CDH13: variants seen among roughly 807,000 people sequenced by gnomAD.
The protein encoded by CDH13 is cadherin-13.
In CDH13, 24 loss-of-function variants were observed where a neutral mutation model predicts 63.8. That is an observed-to-expected ratio of 0.38 (90% CI 0.27 to 0.53). CDH13 has a LOEUF of 0.53. CDH13 is among the 20% of genes least tolerant of loss of function. The probability of loss-of-function intolerance (pLI) is 0.85; values close to 1 mark genes in which losing one functional copy is unlikely to be tolerated. For missense variants in CDH13, 1,049 were observed against 903.1 expected, an observed-to-expected ratio of 1.16 and a Z score of -2.07; for synonymous variants, 503 against 355.3, an observed-to-expected ratio of 1.42 and a Z score of -4.67.
chr16:83,502,302 T>G (rs1413834797), intron 7 of CDH13, among the ~76,000 whole-genome samples: 1 of 152,176 alleles, frequency 6.6e-6, no homozygotes, highest in East Asian at 1.9e-4. Context: ...GTTGGAGATT[T>G]AAAGATGCTC....
intron 5 of CDH13, among the ~76,000 whole-genome samples, chr16:83,334,285 C>T (rs987227806): frequency 6.6e-6 from 1 of 151,254 alleles, no homozygotes; most frequent in Non-Finnish European, 1.5e-5. Flanking sequence ...TTCCTCCTTT[C>T]TCTCTCTCTC....
At chr16:83,312,714 C>T (rs2090026878) in intron 5 of CDH13, among the ~76,000 whole-genome samples, 1 of 152,190 alleles carries the variant, frequency 6.6e-6, no homozygotes, top group African/African-American at 2.4e-5. Context: ...AATCTATAGG[C>T]ATCTCCCACA....
intron 4 of CDH13, among the ~76,000 whole-genome samples, chr16:83,146,047 T>C (rs2036732580): frequency 6.6e-6 from 1 of 151,808 alleles, no homozygotes; most frequent in Non-Finnish European, 1.5e-5. Flanking sequence ...CACAAAAAAT[T>C]AGCCAGACAT....
At chr16:83,551,148 C>G (rs935400561) in intron 7 of CDH13, among the ~76,000 whole-genome samples, 1 of 152,006 alleles carries the variant, frequency 6.6e-6, no homozygotes, top group Non-Finnish European at 1.5e-5. Context: ...GTGGCATGAT[C>G]TCAGCTCCCT....
chr16:83,414,813 A>G (rs2092176960), intron 6 of CDH13, among the ~76,000 whole-genome samples: 2 of 152,150 alleles, frequency 1.3e-5, no homozygotes, highest in Admixed American at 6.5e-5. Context: ...CCACTCATCC[A>G]TCACTGAACA....
chr16:83,778,153 T>C (rs981726934), intron 11 of CDH13, among the ~76,000 whole-genome samples: 13 of 152,224 alleles, frequency 8.5e-5, no homozygotes, highest in Non-Finnish European at 1.5e-4. Context: ...AGCAAACCTC[T>C]AATGCACAAA....
intron 2 of CDH13, among the ~76,000 whole-genome samples, chr16:82,913,784 A>G (rs754683947): frequency 8.6e-5 from 13 of 151,954 alleles, no homozygotes; most frequent in Non-Finnish European, 1.8e-4. Context: ...AAGGGGGTGC[A>G]GGTAGAGGAG....
At chr16:83,449,698 G>T (rs1286460153) in intron 6 of CDH13, among the ~76,000 whole-genome samples, 2 of 152,172 alleles carry the variant, frequency 1.3e-5, no homozygotes, top group Admixed American at 6.5e-5. Flanking sequence ...GTGGCCAAAT[G>T]ATGGTTTCAA....
At chr16:83,222,983 A>G (rs1285223568) in intron 5 of CDH13, among the ~76,000 whole-genome samples, 1 of 152,096 alleles carries the variant, frequency 6.6e-6, no homozygotes, top group Non-Finnish European at 1.5e-5. Context: ...ACTAGATGCC[A>G]GTACCACCAC....
intron 6 of CDH13, among the ~76,000 whole-genome samples, chr16:83,468,659 C>T (rs556787768): frequency 1.3e-3 from 200 of 152,302 alleles, no homozygotes; most frequent in African/African-American, 4.6e-3. Flanking sequence ...CAGACTGCTG[C>T]CTCTCTGCCT....
chr16:83,486,575 C>T lies in CDH13; in HGVS notation c.880C>T (p.Pro294Ser), dbSNP rs1486275222. ...YNIRQQTPDK[P>S]SPNMFYIDPE... The stretch of plus-strand genomic sequence containing the variant: ...TATCCGTCAGCAGACGCCTGACAAG[C>T]CATCTCCCAACATGTTCTACATCGA... Residue 294 changes from proline (P) to serine (S), a missense_variant, in exon 7 of 14, where the codon CCA (proline) becomes TCA (serine). Coordinates refer to ENST00000567109, the MANE Select transcript of CDH13 (RefSeq NM_001257.5). 1 of 1,613,928 alleles carries T rather than the reference C, an allele frequency of 6.2e-7. No homozygotes were observed. The highest frequency in any genetic ancestry group is 1.1e-5 in the South Asian group (1 of 91,086).
chr16:83,474,955 G>T (rs1039888126), intron 6 of CDH13, among the ~76,000 whole-genome samples: 1 of 152,240 alleles, frequency 6.6e-6, no homozygotes, highest in Non-Finnish European at 1.5e-5. Context: ...CATGTGCATT[G>T]TTGCCTGCGC....
At chr16:83,010,056 A>G (rs1327735356) in intron 2 of CDH13, among the ~76,000 whole-genome samples, 1 of 143,672 alleles carries the variant, frequency 7.0e-6, no homozygotes, top group African/African-American at 2.6e-5. Flanking sequence ...AATCACTTCA[A>G]CCCAGGAGGT....
intron 1 of CDH13, among the ~76,000 whole-genome samples, chr16:82,657,130 T>C (rs1389488955): frequency 6.6e-6 from 1 of 152,116 alleles, no homozygotes; most frequent in East Asian, 1.9e-4. Flanking sequence ...AGACACCCAA[T>C]GGATGCCTGA....
chr16:82,928,448 A>G (rs1444184853), intron 2 of CDH13, among the ~76,000 whole-genome samples: 2 of 152,206 alleles, frequency 1.3e-5, no homozygotes, highest in Non-Finnish European at 2.9e-5. Flanking sequence ...TGTCACACAG[A>G]TTTATATTGC....
intron 1 of CDH13, among the ~76,000 whole-genome samples, chr16:82,769,387 A>G (rs558294247): frequency 1.8e-4 from 28 of 152,350 alleles, no homozygotes; most frequent in African/African-American, 6.5e-4. Context: ...GCCAGATGGC[A>G]GGTTTTATAT....
At chr16:83,288,908 G>C (rs983585698) in intron 5 of CDH13, among the ~76,000 whole-genome samples, 1 of 152,086 alleles carries the variant, frequency 6.6e-6, no homozygotes, top group African/African-American at 2.4e-5. Flanking sequence ...TTGAACATTC[G>C]CCTGGATTTG....
intron 7 of CDH13, among the ~76,000 whole-genome samples, chr16:83,546,677 G>A (rs1396113317): frequency 1.3e-5 from 2 of 152,106 alleles, no homozygotes; most frequent in African/African-American, 4.8e-5. Context: ...AGACCCAGTG[G>A]TGTGGAGAGA....
chr16:83,774,042 G>C (rs537673441), intron 11 of CDH13, among the ~76,000 whole-genome samples: 2 of 152,244 alleles, frequency 1.3e-5, no homozygotes, highest in East Asian at 3.9e-4. Flanking sequence ...TCCCCATGTG[G>C]AGCCCAGCCC....
Sources: allele counts gnomAD v4.1 joint callset (sites outside exome capture counted in the v4.1 genomes callset), GRCh38; gene constraint gnomAD v4.1.1; transcripts MANE v1.5; gene names NCBI Gene and HGNC (gene_info 2026-07-23, HGNC 2026-07-21).